Variants in ESD observed in about 807,000 individuals in gnomAD.
ESD encodes S-formylglutathione hydrolase.
ESD carries 34 observed loss-of-function variants against 38.1 expected under a neutral mutation model. The observed-to-expected ratio is 0.89, with a 90% CI of 0.68 to 1.19. The LOEUF (loss-of-function observed/expected upper bound fraction) is 1.19. ESD is among the 50% of genes most tolerant of loss of function. ESD has a pLI of 0.00. For missense variants in ESD, 334 were observed against 327.2 expected, an observed-to-expected ratio of 1.02 and a Z score of -0.16; for synonymous variants, 97 against 107.0, an observed-to-expected ratio of 0.91 and a Z score of 0.58.
chr13:46,775,469 A>G (rs1593403674), intron 9 of ESD: 1 of 284,874 alleles, frequency 3.5e-6, no homozygotes, highest in Non-Finnish European at 7.3e-6. Flanking sequence ...TACAGCTTCT[A>G]TCCCACAAGG....
chr13:46,794,185 CAAA>C (rs1875497747), intron 1 of ESD, among the ~76,000 whole-genome samples: 1 of 149,616 alleles, frequency 6.7e-6, no homozygotes, highest in Non-Finnish European at 1.5e-5. Context: ...ACAACAACAA[CAAA>C]AACAGAAAAA....
intron 9 of ESD, among the ~76,000 whole-genome samples, chr13:46,774,052 T>C (rs1874702902): frequency 2.0e-5 from 3 of 152,140 alleles, no homozygotes; most frequent in African/African-American, 7.2e-5. Flanking sequence ...GAAACAGATA[T>C]CTCAAAAGAC....
intron 2 of ESD, among the ~76,000 whole-genome samples, chr13:46,792,043 C>CT (rs1186723456): frequency 2.0e-5 from 3 of 151,998 alleles, no homozygotes; most frequent in African/African-American, 7.2e-5. Context: ...CTGTTAACTT[C>CT]TTTTCTGTCC....
chr13:46,780,246 A>G lies in ESD; in HGVS notation c.502-213T>C, dbSNP rs531773891. Among the ~76,000 whole-genome samples the G allele has an allele frequency of 5.9e-5, 9 of 151,788 alleles. No homozygotes were observed. The South Asian group carries it at 1.9e-3, about 32-fold the overall frequency. On this transcript the variant is annotated intron_variant, in intron 7 of 9. Coordinates refer to ENST00000378720, the MANE Select transcript of ESD (RefSeq NM_001984.2). ...AATACATCTTTTGTGTATTCTATTA[A>G]GAGAGCTAATAAGTATAGTTGCTAA...
At position 46,779,975 on chromosome 13, in the gene ESD, G is replaced by C. The variant is rs755862636; in HGVS notation, c.560C>G (p.Ala187Gly). The part of the protein sequence containing the change: ...NPVLCPWGKK[A>G]FSGYLGTDQS... ...ATCTGTTCCCAAATATCCACTAAAGGCTTTTTTGCCCCAGGGACAGAGTAC... is the reference window on the plus strand; with the variant it reads ...ATCTGTTCCCAAATATCCACTAAAGCCTTTTTTGCCCCAGGGACAGAGTAC... Residue 187 changes from alanine to glycine, a missense_variant, in exon 8 of 10, where the codon GCC becomes GGC. Transcript: ENST00000378720. The C allele has an allele frequency of 2.5e-6, 4 of 1,605,534 alleles. No homozygotes were observed. Among genetic ancestry groups the C allele is most frequent in the Non-Finnish European group, 3.4e-6 (4 of 1,174,418 alleles).
intron 1 of ESD, 40 bp downstream of exon 1, chr13:46,797,065 G>A (rs1213195529): frequency 1.3e-5 from 2 of 152,372 alleles, no homozygotes; most frequent in African/African-American, 2.4e-5. Context: ...GCCGCAGGAA[G>A]GCTGACAACG....
intron 5 of ESD, among the ~76,000 whole-genome samples, chr13:46,783,597 CTGT>C (rs1196231120): frequency 8.6e-5 from 13 of 151,784 alleles, no homozygotes; most frequent in East Asian, 7.7e-4. Flanking sequence ...TGAATTAAAT[CTGT>C]TGTTATATTT....
At chr13:46,794,157 CAA>C (rs59985081) in intron 1 of ESD, among the ~76,000 whole-genome samples, 1 of 146,248 alleles carries the variant, frequency 6.8e-6, no homozygotes, top group African/African-American at 2.6e-5. Context: ...CCTTCCCCTC[CAA>C]AAAACAACAA....
chr13:46,787,103 T>C lies in ESD; in HGVS notation c.75A>G (p.Glu25=). Residue 25 remains glutamate (E), a synonymous_variant, in exon 4 of 10, where the codon GAA becomes GAG. Coordinates refer to ENST00000378720, the MANE Select transcript of ESD (RefSeq NM_001984.2). The part of the protein sequence containing the change: ...LQKVFEHDSV[E]LNCKMKFAVY... ...CAGCAAATTTCATTTTGCAGTTTAGTTCAACACTAGTTTTAACAAAAACAA... is the reference window on the plus strand; with the variant it reads ...CAGCAAATTTCATTTTGCAGTTTAGCTCAACACTAGTTTTAACAAAAACAA... 1 of 1,555,356 alleles carries C rather than the reference T, an allele frequency of 6.4e-7. No homozygotes were observed. Among genetic ancestry groups the C allele is most frequent in the Non-Finnish European group, 8.7e-7 (1 of 1,145,186 alleles).
intron 7 of ESD, among the ~76,000 whole-genome samples, chr13:46,780,732 C>T (rs929989870): frequency 6.6e-6 from 1 of 151,506 alleles, no homozygotes; most frequent in African/African-American, 2.4e-5. Context: ...ATAAAGCGTA[C>T]CAAAAACAAA....
At chr13:46,773,521 T>G (rs1276850927) in intron 9 of ESD, among the ~76,000 whole-genome samples, 2 of 152,224 alleles carry the variant, frequency 1.3e-5, no homozygotes, top group Non-Finnish European at 2.9e-5. Flanking sequence ...TGGGAATTTT[T>G]CTAAGCACCT....
chr13:46,780,610 T>C (rs991397147), intron 7 of ESD, among the ~76,000 whole-genome samples: 3 of 151,624 alleles, frequency 2.0e-5, no homozygotes, highest in African/African-American at 4.8e-5. Context: ...GACAAAAAAA[T>C]CAACTAAGTT....
chr13:46,789,112 T>C, intron 3 of ESD, among the ~76,000 whole-genome samples: 1 of 152,176 alleles, frequency 6.6e-6, no homozygotes, highest in East Asian at 1.9e-4. Context: ...TCTCCAACTT[T>C]TGACCTGCTG....
At chr13:46,786,019 G>T (rs1440673254) in intron 4 of ESD, among the ~76,000 whole-genome samples, 2 of 151,846 alleles carry the variant, frequency 1.3e-5, no homozygotes, top group Non-Finnish European at 2.9e-5. Flanking sequence ...TAGCTTCACT[G>T]GGCCTCATTT....
chr13:46,780,074 C>G (rs1874948102), intron 7 of ESD, 41 bp from the exon 8 acceptor site: 4 of 1,386,624 alleles, frequency 2.9e-6, no homozygotes, highest in Non-Finnish European at 4.0e-6. Flanking sequence ...TTATATTTTG[C>G]TAAATTAAAT....
chr13:46,785,473 T>C (rs1186596209), intron 4 of ESD, among the ~76,000 whole-genome samples: 1 of 152,024 alleles, frequency 6.6e-6, no homozygotes, highest in African/African-American at 2.4e-5. Context: ...TCACTACACA[T>C]GAACTATCTT....
intron 8 of ESD, among the ~76,000 whole-genome samples, chr13:46,779,342 G>A (rs1234856260): frequency 2.0e-5 from 3 of 151,644 alleles, no homozygotes; most frequent in Non-Finnish European, 4.4e-5. Flanking sequence ...TGAGCACATA[G>A]TTAATAAGAG....
At chr13:46,781,267 C>T (rs1368986053) in intron 7 of ESD, among the ~76,000 whole-genome samples, 2 of 151,694 alleles carry the variant, frequency 1.3e-5, no homozygotes, top group Non-Finnish European at 3.0e-5. Flanking sequence ...TTTTATAATA[C>T]TTCCAGTAGG....
chr13:46,791,377 C>T lies in ESD; in HGVS notation c.37G>A (p.Gly13Arg), dbSNP rs1422619848. Reference sequence around the variant, plus strand: ...TGTTCAAAAACTTTCTGCAATCCCCCAAAGCACTTGTTGCTGGAAATCTGC... The same window carrying T: ...TGTTCAAAAACTTTCTGCAATCCCCTAAAGCACTTGTTGCTGGAAATCTGC... ...LKQISSNKCF[G>R]GLQKVFEHDS... Residue 13 changes from glycine to arginine, a missense_variant, in exon 3 of 10, where the codon GGG (glycine) becomes AGG (arginine). Gly to Arg is a moderately radical substitution (Grantham distance 125). Transcript: ENST00000378720. 4.3e-6 allele frequency: 7 copies of T among 1,613,010 alleles called. No homozygotes were observed. The South Asian group carries it at 7.7e-5, about 18-fold the overall frequency.
Sources: allele counts gnomAD v4.1 joint callset (sites outside exome capture counted in the v4.1 genomes callset), GRCh38; gene constraint gnomAD v4.1.1; transcripts MANE v1.5; gene names NCBI Gene and HGNC (gene_info 2026-07-23, HGNC 2026-07-21).